Variants in SASS6 observed in about 807,000 individuals in gnomAD.
SASS6 encodes the protein spindle assembly abnormal protein 6 homolog.
In SASS6, 59 loss-of-function variants were observed where a neutral mutation model predicts 94.9. The observed-to-expected ratio is 0.62, with a 90% CI of 0.50 to 0.77. The LOEUF (loss-of-function observed/expected upper bound fraction) is 0.77. Ranked by LOEUF, SASS6 falls within the 30% of genes least tolerant of loss-of-function variation. The probability of loss-of-function intolerance (pLI) is 0.00; values close to 1 mark genes in which losing one functional copy is unlikely to be tolerated. For missense variants in SASS6, 698 were observed against 734.1 expected (o/e 0.95, Z 0.57); for synonymous variants, 264 against 270.0 (o/e 0.98, Z 0.22).
chr1:100,090,065 T>G (rs1305933644), intron 14 of SASS6, among the ~76,000 whole-genome samples: 1 of 151,756 alleles, frequency 6.6e-6, no homozygotes, highest in East Asian at 1.9e-4. Flanking sequence ...TATTATAAAC[T>G]AGAGTAAACA....
Position 100,102,986 on chromosome 1 carries a change from T to C in SASS6, c.1643A>G (p.Lys548Arg), listed in dbSNP as rs780352580. The C allele has an allele frequency of 6.2e-7, 1 of 1,612,700 alleles. No homozygotes were observed. Among genetic ancestry groups the C allele is most frequent in the South Asian group, 1.1e-5 (1 of 90,918 alleles). Residue 548 changes from lysine (K) to arginine (R), a missense_variant, in exon 14 of 17, where the codon AAA becomes AGA. Transcript: ENST00000287482. Reference sequence around the variant, plus strand: ...TCCTGAACCAGGGTGGCTGGTATTTTTGGCAGATATCGAATGAGGGAAGGT... The same window carrying C: ...TCCTGAACCAGGGTGGCTGGTATTTCTGGCAGATATCGAATGAGGGAAGGT... ...QNTFPHSISA[K>R]NTSHPGSGTK...
At chr1:100,091,228 C>T (rs1261446840) in intron 14 of SASS6, among the ~76,000 whole-genome samples, 2 of 152,000 alleles carry the variant, frequency 1.3e-5, no homozygotes, top group Non-Finnish European at 2.9e-5. Context: ...TTGCTTGAAC[C>T]CAGAATTGCA....
At chr1:100,096,137 A>C (rs1652084969) in intron 14 of SASS6, among the ~76,000 whole-genome samples, 1 of 152,248 alleles carries the variant, frequency 6.6e-6, no homozygotes, top group African/African-American at 2.4e-5. Context: ...ACTGACTTTC[A>C]AAACTTTTAA....
At chr1:100,123,369 C>G (rs1557894895) in intron 2 of SASS6, 80 bp from the exon 3 acceptor site, 1 of 680,106 alleles carries the variant, frequency 1.5e-6, no homozygotes, top group African/African-American at 1.8e-5. Context: ...GTAAAGAAAT[C>G]CAACAACATC....
chr1:100,088,002 A>G (rs113004403), intron 15 of SASS6, 137 bp downstream of exon 15: 2 of 491,552 alleles, frequency 4.1e-6, no homozygotes, highest in South Asian at 3.5e-5. Flanking sequence ...GAGTAATTCA[A>G]CTTAAATTCC....
chr1:100,099,830 A>AT lies in SASS6; in HGVS notation c.1674+3124_1674+3125insA, dbSNP rs534628859. Among the ~76,000 whole-genome samples the AT allele has an allele frequency of 2.0e-5, 3 of 152,312 alleles. No individual in the cohort carries two copies. The South Asian group carries it at 6.2e-4, about 32-fold the overall frequency. On this transcript the variant is annotated intron_variant, in intron 14 of 16. Coordinates refer to ENST00000287482, the MANE Select transcript of SASS6 (RefSeq NM_194292.3). ...TCCAGACTTTGTTTTTTGGTCCTTA[A>AT]CAGTAAACAGAATTGTCTCCCTAAG...
chr1:100,095,488 G>A lies in SASS6; in HGVS notation c.1675-7252C>T, dbSNP rs1652045486. Among the ~76,000 whole-genome samples the A allele has an allele frequency of 3.3e-5, 5 of 152,304 alleles. 1 individual carries two copies. The South Asian group carries it at 1.0e-3, about 32-fold the overall frequency. On this transcript the variant is annotated intron_variant, in intron 14 of 16. Coordinates refer to ENST00000287482, the MANE Select transcript of SASS6 (RefSeq NM_194292.3). The stretch of plus-strand genomic sequence containing the variant: ...ACAGAAGTTGCAGTGAGCCAAGAAT[G>A]TGCCACTGCACTCCAGGCTAGGTGA...
At chr1:100,132,576 G>A (rs1655153946) in intron 1 of SASS6, among the ~76,000 whole-genome samples, 174 bp downstream of exon 1, 1 of 152,108 alleles carries the variant, frequency 6.6e-6, no homozygotes, top group Admixed American at 6.5e-5. Flanking sequence ...CCTCTGCAAC[G>A]GCCGACTTGG....
intron 7 of SASS6, among the ~76,000 whole-genome samples, chr1:100,112,838 C>T (rs953645571): frequency 2.6e-5 from 4 of 152,172 alleles, no homozygotes; most frequent in African/African-American, 9.7e-5. Context: ...GACTCCACCC[C>T]CGACTAACTG....
intron 13 of SASS6, among the ~76,000 whole-genome samples, 170 bp from the exon 14 acceptor site, chr1:100,103,253 G>A (rs1417224911): frequency 6.6e-6 from 1 of 152,056 alleles, no homozygotes; most frequent in Non-Finnish European, 1.5e-5. Context: ...ATCTACCATG[G>A]GGCTAGGATA....
At chr1:100,106,747 G>A (rs1047821995) in intron 12 of SASS6, among the ~76,000 whole-genome samples, 165 bp downstream of exon 12, 5 of 152,022 alleles carry the variant, frequency 3.3e-5, no homozygotes, top group African/African-American at 1.2e-4. Flanking sequence ...CCAGCTACTT[G>A]GGGGGCTGAG....
At position 100,126,595 on chromosome 1, in the gene SASS6, G is replaced by A. The variant is rs550161745; in HGVS notation, c.66-653C>T. Among the ~76,000 whole-genome samples, 12 of 152,106 alleles carry A rather than the reference G, an allele frequency of 7.9e-5. 1 individual carries two copies. The South Asian group carries it at 2.5e-3, about 32-fold the overall frequency. On this transcript the variant is annotated intron_variant, in intron 1 of 16. Coordinates refer to ENST00000287482, the MANE Select transcript of SASS6 (RefSeq NM_194292.3). ...GAGTTGGAGACCAGCCTGTTAACAC[G>A]GCAAAACCTCATCTCTACAAAAAAT...
intron 15 of SASS6, among the ~76,000 whole-genome samples, chr1:100,087,844 T>C (rs955372094): frequency 6.6e-6 from 1 of 152,198 alleles, no homozygotes; most frequent in Non-Finnish European, 1.5e-5. Flanking sequence ...CTGAGAATAT[T>C]TGAAAGCCCA....
intron 14 of SASS6, among the ~76,000 whole-genome samples, chr1:100,095,052 C>G (rs1652021442): frequency 6.6e-6 from 1 of 152,030 alleles, no homozygotes. Context: ...AAGCATTTGA[C>G]AAAATTTAAC....
chr1:100,092,866 C>T (rs1303966111), intron 14 of SASS6, among the ~76,000 whole-genome samples: 1 of 151,686 alleles, frequency 6.6e-6, no homozygotes, highest in Non-Finnish European at 1.5e-5. Flanking sequence ...TAAGGGACCA[C>T]ACCCAGCCCA....
rs1276210578 is a variant in SASS6, at chr1:100,125,911, G to A, written c.97C>T (p.Gln33Ter). The change falls in exon 2 of 17, where the codon CAA becomes TAA. Residue 33 changes from glutamine to a stop codon, truncating the protein, a stop_gained. Coordinates refer to ENST00000287482, the MANE Select transcript of SASS6 (RefSeq NM_194292.3). LOFTEE classifies it high-confidence loss of function. ...RVSIRMSIEL[Q>*]SVSNPVHRKD... is the part of the protein sequence containing the mutation. ...CTGTGAACTGGATTAGAAACTGATT[G>A]TAGTTCAATGCTCATTCTTATACTT... The A allele has an allele frequency of 6.4e-7, 1 of 1,559,986 alleles. No individual in the cohort carries two copies. Among genetic ancestry groups the A allele is most frequent in the Non-Finnish European group, 8.8e-7 (1 of 1,142,552 alleles).
intron 15 of SASS6, among the ~76,000 whole-genome samples, chr1:100,087,238 C>T (rs1485421635): frequency 6.6e-6 from 1 of 152,224 alleles, no homozygotes; most frequent in Non-Finnish European, 1.5e-5. Context: ...CCACCTTGGC[C>T]TCCCAAAGTG....
chr1:100,102,253 A>C (rs1362687025), intron 14 of SASS6, among the ~76,000 whole-genome samples: 1 of 152,210 alleles, frequency 6.6e-6, no homozygotes, highest in Non-Finnish European at 1.5e-5. Context: ...AATTTGATTT[A>C]AGCCTGCCCT....
intron 13 of SASS6, among the ~76,000 whole-genome samples, chr1:100,104,662 G>T (rs993123553): frequency 6.6e-6 from 1 of 151,924 alleles, no homozygotes; most frequent in African/African-American, 2.4e-5. Flanking sequence ...GTTTCACCAC[G>T]TTGCCCAGGC....
Sources: allele counts gnomAD v4.1 joint callset (sites outside exome capture counted in the v4.1 genomes callset), GRCh38; gene constraint gnomAD v4.1.1; transcripts MANE v1.5; gene names NCBI Gene and HGNC (gene_info 2026-07-23, HGNC 2026-07-21).